SNTG2: variants seen among roughly 807,000 people sequenced by gnomAD.
SNTG2 encodes gamma-2-syntrophin.
Under a neutral mutation model 70.9 loss-of-function variants are expected in SNTG2, and 74 were observed. The observed-to-expected ratio is 1.04, with a 90% CI of 0.86 to 1.27. SNTG2 has a LOEUF of 1.27. Among genes scored for constraint, SNTG2 ranks in the 50% most tolerant of loss-of-function variants. The pLI, the probability that SNTG2 is intolerant of heterozygous loss-of-function variation, is 0.00. For synonymous variants in SNTG2, 278 were observed against 273.8 expected (o/e 1.02, Z -0.15); for missense variants, 717 against 690.7 (o/e 1.04, Z -0.43).
At chr2:1,015,162 G>GC (rs1558311433) in intron 1 of SNTG2, among the ~76,000 whole-genome samples, 1 of 152,152 alleles carries the variant, frequency 6.6e-6, no homozygotes, top group Non-Finnish European at 1.5e-5. Context: ...AGGTATCCTG[G>GC]TCCCGCAGGC....
At chr2:1,221,492 T>TCTGCCTCTGTCTCTCTCTTTGTCC (rs1674848230) in intron 9 of SNTG2, among the ~76,000 whole-genome samples, 127 of 37,528 alleles carry the variant, frequency 3.4e-3, no homozygotes, top group Non-Finnish European at 5.3e-3. Flanking sequence ...TCTCTCTGTC[T>TCTGCCTCTGTCTCTCTCTTTGTCC]CTCTCTGTCT....
At chr2:991,466 G>T (rs993160616) in intron 1 of SNTG2, among the ~76,000 whole-genome samples, 1 of 151,200 alleles carries the variant, frequency 6.6e-6, no homozygotes, top group South Asian at 2.1e-4. Flanking sequence ...CCCACAAATG[G>T]ACCTTATCAG....
intron 1 of SNTG2, among the ~76,000 whole-genome samples, chr2:959,679 G>A (rs898105418): frequency 6.7e-6 from 1 of 149,964 alleles, no homozygotes; most frequent in Admixed American, 6.7e-5. Flanking sequence ...GAATTGCATC[G>A]TGCAGGCCTT....
At chr2:1,165,266 G>C (rs889483718) in intron 6 of SNTG2, among the ~76,000 whole-genome samples, 4 of 152,140 alleles carry the variant, frequency 2.6e-5, no homozygotes, top group Non-Finnish European at 5.9e-5. Context: ...TGCATTCATA[G>C]GGATGCAGAG....
chr2:971,056 G>C (rs1313625187), intron 1 of SNTG2, among the ~76,000 whole-genome samples: 1 of 152,196 alleles, frequency 6.6e-6, no homozygotes, highest in Non-Finnish European at 1.5e-5. Flanking sequence ...TGGTGGGATT[G>C]TTTGAGGACT....
chr2:1,115,915 C>T (rs1666936143), intron 4 of SNTG2, among the ~76,000 whole-genome samples: 1 of 152,184 alleles, frequency 6.6e-6, no homozygotes, highest in Admixed American at 6.5e-5. Flanking sequence ...CCCATTCTGC[C>T]CTTTTGAGTG....
chr2:1,016,396 G>A (rs1016069663), intron 1 of SNTG2, among the ~76,000 whole-genome samples: 14 of 152,074 alleles, frequency 9.2e-5, no homozygotes, highest in African/African-American at 3.4e-4. Flanking sequence ...CGCATGCCAC[G>A]TGCCTGGCTA....
At chr2:1,125,996 G>A (rs1267895177) in intron 4 of SNTG2, among the ~76,000 whole-genome samples, 1 of 151,948 alleles carries the variant, frequency 6.6e-6, no homozygotes, top group Non-Finnish European at 1.5e-5. Context: ...TTTGTGTTGG[G>A]AATATTCAAT....
intron 16 of SNTG2, among the ~76,000 whole-genome samples, chr2:1,328,280 T>C (rs1681841319): frequency 6.6e-6 from 1 of 152,150 alleles, no homozygotes; most frequent in Non-Finnish European, 1.5e-5. Flanking sequence ...GTAGGTAATA[T>C]ACAAACATGT....
chr2:1,151,316 G>C (rs1456531824), intron 6 of SNTG2, among the ~76,000 whole-genome samples: 1 of 152,278 alleles, frequency 6.6e-6, no homozygotes, highest in African/African-American at 2.4e-5. Context: ...CTGCCTCCGG[G>C]GGGTGTCCCA....
intron 1 of SNTG2, among the ~76,000 whole-genome samples, chr2:1,078,684 G>T (rs1664083777): frequency 6.6e-6 from 1 of 152,172 alleles, no homozygotes; most frequent in Non-Finnish European, 1.5e-5. Context: ...ATTTTAACAG[G>T]GCCGCCCAGC....
chr2:1,031,531 T>TTA (rs1660834996), intron 1 of SNTG2, among the ~76,000 whole-genome samples: 1 of 50,392 alleles, frequency 2.0e-5, no homozygotes, highest in African/African-American at 6.2e-5. Flanking sequence ...TATATATATT[T>TTA]TTTTTTTTTT....
intron 1 of SNTG2, among the ~76,000 whole-genome samples, chr2:1,076,169 A>G (rs775706850): frequency 6.6e-6 from 1 of 152,234 alleles, no homozygotes; most frequent in Non-Finnish European, 1.5e-5. Flanking sequence ...AATCTTTGGT[A>G]GACCCAGTTG....
chr2:1,077,926 G>A (rs186074281), intron 1 of SNTG2, among the ~76,000 whole-genome samples: 46 of 152,190 alleles, frequency 3.0e-4, no homozygotes, highest in African/African-American at 1.1e-3. Flanking sequence ...AGACCTCCTG[G>A]TGCTGACGCG....
chr2:1,216,497 C>A (rs944522464), intron 9 of SNTG2, among the ~76,000 whole-genome samples: 3 of 152,148 alleles, frequency 2.0e-5, no homozygotes, highest in Admixed American at 6.5e-5. Context: ...TTCTCCCATT[C>A]TGTAGGTTGC....
rs556695560 is a variant in SNTG2 at position 1,310,288 on chromosome 2, C to A, written c.1377+1702C>A. Among the ~76,000 whole-genome samples, 30 of 152,276 alleles carry A rather than the reference C, an allele frequency of 2.0e-4. No homozygotes were observed. The South Asian group carries it at 3.5e-3, about 18-fold the overall frequency. The stretch of plus-strand genomic sequence containing the variant: ...GCCCCATTGCCTGGGCCAGCACTCA[C>A]CAGGGGCATTTATCTGTACCTGTGT... On this transcript the variant is annotated intron_variant, in intron 15 of 16. Coordinates refer to ENST00000308624, the MANE Select transcript of SNTG2 (RefSeq NM_018968.4).
At chr2:1,151,101 A>G (rs1331511655) in intron 6 of SNTG2, among the ~76,000 whole-genome samples, 1 of 152,240 alleles carries the variant, frequency 6.6e-6, no homozygotes, top group Non-Finnish European at 1.5e-5. Flanking sequence ...TATGACGAAC[A>G]GTGGAAAGTA....
chr2:1,347,364 C>T (rs988977962), intron 16 of SNTG2, among the ~76,000 whole-genome samples: 1 of 152,170 alleles, frequency 6.6e-6, no homozygotes, highest in African/African-American at 2.4e-5. Context: ...AAGGCTCAGC[C>T]CATGAAAACC....
At chr2:1,003,459 T>C (rs1323281220) in intron 1 of SNTG2, among the ~76,000 whole-genome samples, 1 of 152,186 alleles carries the variant, frequency 6.6e-6, no homozygotes, top group Non-Finnish European at 1.5e-5. Context: ...GCTTCCATAA[T>C]TAACAGGGAG....
Sources: allele counts gnomAD v4.1 joint callset (sites outside exome capture counted in the v4.1 genomes callset), GRCh38; gene constraint gnomAD v4.1.1; transcripts MANE v1.5; gene names NCBI Gene and HGNC (gene_info 2026-07-23, HGNC 2026-07-21).